The following DPYD variants were observed in gnomAD, a reference collection of about 807,000 sequenced individuals.
DPYD encodes the protein dihydropyrimidine dehydrogenase [NADP(+)].
Under a neutral mutation model 116.2 loss-of-function variants are expected in DPYD, and 109 were observed. The ratio of observed to expected loss-of-function variants is 0.94; its 90% CI spans 0.80 to 1.10. DPYD has a LOEUF of 1.10. Ranked by LOEUF, DPYD falls within the 50% of genes least tolerant of loss-of-function variation. The pLI is 0.00. For missense variants in DPYD, 1,302 were observed against 1,254.5 expected (o/e 1.04, Z -0.57); for synonymous variants, 440 against 432.0 (o/e 1.02, Z -0.23).
At chr1:97,599,755 G>A (rs1419746594) in intron 8 of DPYD, among the ~76,000 whole-genome samples, 1 of 149,832 alleles carries the variant, frequency 6.7e-6, no homozygotes, top group Non-Finnish European at 1.5e-5. Context: ...CAGTCACGGT[G>A]GCTCCTGCCT....
intron 8 of DPYD, among the ~76,000 whole-genome samples, chr1:97,665,437 G>T (rs1659505444): frequency 6.6e-6 from 1 of 151,432 alleles, no homozygotes; most frequent in Admixed American, 6.6e-5. Flanking sequence ...TTCTTTTTGT[G>T]TTTTTCTAAG....
chr1:97,737,581 CA>C (rs1664030583), intron 4 of DPYD, among the ~76,000 whole-genome samples: 1 of 152,022 alleles, frequency 6.6e-6, no homozygotes, highest in Non-Finnish European at 1.5e-5. Context: ...TGGAAATGAT[CA>C]ATATTTTGTT....
At chr1:97,560,715 G>A (rs1213061125) in intron 11 of DPYD, among the ~76,000 whole-genome samples, 1 of 152,142 alleles carries the variant, frequency 6.6e-6, no homozygotes, top group East Asian at 1.9e-4. Context: ...TGAACTATAT[G>A]ATAGTGAAAA....
chr1:97,103,097 A>G (rs1185892417), intron 20 of DPYD, among the ~76,000 whole-genome samples: 1 of 152,006 alleles, frequency 6.6e-6, no homozygotes, highest in Admixed American at 6.6e-5. Context: ...GGTTTAAATA[A>G]AGTAATCCAG....
chr1:97,488,195 A>T (rs1678758283), intron 13 of DPYD, among the ~76,000 whole-genome samples: 1 of 152,186 alleles, frequency 6.6e-6, no homozygotes, highest in Admixed American at 6.5e-5. Context: ...TTACACTTGT[A>T]TAAATCTATT....
chr1:97,339,602 G>A (rs188062721), intron 16 of DPYD, among the ~76,000 whole-genome samples: 3 of 152,206 alleles, frequency 2.0e-5, no homozygotes, highest in Non-Finnish European at 2.9e-5. Flanking sequence ...CCCATGTACT[G>A]ATATCTTATC....
At chr1:97,713,765 G>T (rs544125230) in intron 5 of DPYD, among the ~76,000 whole-genome samples, 261 of 152,072 alleles carry the variant, frequency 1.7e-3, no homozygotes, top group Non-Finnish European at 2.8e-3. Flanking sequence ...ACTTCTCTCA[G>T]AAATAATTCA....
At chr1:97,640,314 T>C (rs752679869) in intron 8 of DPYD, among the ~76,000 whole-genome samples, 1 of 152,024 alleles carries the variant, frequency 6.6e-6, no homozygotes, top group African/African-American at 2.4e-5. Context: ...TTTCTTTTAT[T>C]TTTATTTATT....
In DPYD at chr1:97,465,799, T is replaced by C. The variant is rs1412065267; in HGVS notation, c.1741-15576A>G. ...CTAATACATGTGTAAAACCAAGCTGTAGCTCGATTATCTTGGGCACAAGTC... is the reference window on the plus strand; with the variant it reads ...CTAATACATGTGTAAAACCAAGCTGCAGCTCGATTATCTTGGGCACAAGTC... On this transcript the variant is annotated intron_variant, in intron 13 of 22. Coordinates refer to ENST00000370192, the MANE Select transcript of DPYD (RefSeq NM_000110.4). Among the ~76,000 whole-genome samples, 5 of 152,200 alleles carry C rather than the reference T, an allele frequency of 3.3e-5. No individual in the cohort carries two copies. The South Asian group carries it at 8.3e-4, about 25-fold the overall frequency.
chr1:97,785,475 A>G (rs1174733416), intron 3 of DPYD, among the ~76,000 whole-genome samples: 1 of 152,112 alleles, frequency 6.6e-6, no homozygotes, highest in African/African-American at 2.4e-5. Context: ...ACTTACACAC[A>G]TATTTGTGAT....
At chr1:97,626,558 T>C (rs1656942576) in intron 8 of DPYD, among the ~76,000 whole-genome samples, 1 of 152,084 alleles carries the variant, frequency 6.6e-6, no homozygotes, top group Non-Finnish European at 1.5e-5. Context: ...GCCTCAAGTT[T>C]CTACTCCCAT....
At chr1:97,291,998 A>C (rs1666214086) in intron 18 of DPYD, among the ~76,000 whole-genome samples, 1 of 152,160 alleles carries the variant, frequency 6.6e-6, no homozygotes, top group Non-Finnish European at 1.5e-5. Flanking sequence ...ACAAAATTAT[A>C]ATGCGTTATA....
chr1:97,480,236 C>A (rs776129241), intron 13 of DPYD, among the ~76,000 whole-genome samples: 1 of 151,706 alleles, frequency 6.6e-6, no homozygotes, highest in Non-Finnish European at 1.5e-5. Flanking sequence ...AATAAAATAT[C>A]AAACTGAGAA....
rs1054367744 is a variant in DPYD at position 97,621,773 on chromosome 1, T to G, written c.851-26607A>C. Among the ~76,000 whole-genome samples the G allele has an allele frequency of 2.0e-5, 3 of 151,892 alleles. No homozygotes were observed. The East Asian group carries it at 5.8e-4, about 29-fold the overall frequency. ...AGGAAGGAAATATACAAGATAAGCC[T>G]AGATCATCTTGTAGGGCCAGAAATT... On this transcript the variant is annotated intron_variant, in intron 8 of 22. Transcript: ENST00000370192.
At chr1:97,767,273 T>C (rs541031475) in intron 3 of DPYD, among the ~76,000 whole-genome samples, 6 of 152,314 alleles carry the variant, frequency 3.9e-5, no homozygotes, top group Admixed American at 2.6e-4. Context: ...AGACCAGGGA[T>C]GGTAGTCTTT....
chr1:97,574,232 C>T (rs1300030532), intron 10 of DPYD, among the ~76,000 whole-genome samples: 6 of 152,124 alleles, frequency 3.9e-5, no homozygotes, highest in Non-Finnish European at 8.8e-5. Flanking sequence ...GTACTGCATG[C>T]TCTACATTTG....
intron 3 of DPYD, among the ~76,000 whole-genome samples, chr1:97,802,227 G>C (rs1401188120): frequency 1.3e-5 from 2 of 151,858 alleles, no homozygotes; most frequent in Non-Finnish European, 2.9e-5. Context: ...GTTGGCTCTA[G>C]CAAATTCTTT....
At chr1:97,524,897 A>T (rs756474312) in intron 12 of DPYD, among the ~76,000 whole-genome samples, 18 of 152,126 alleles carry the variant, frequency 1.2e-4, no homozygotes, top group Non-Finnish European at 2.4e-4. Context: ...GGCATTTTAA[A>T]CTGAAAACCC....
intron 16 of DPYD, among the ~76,000 whole-genome samples, chr1:97,360,312 C>G (rs1670651812): frequency 1.3e-5 from 2 of 152,064 alleles, no homozygotes; most frequent in Admixed American, 1.3e-4. Context: ...CCTTAGAGAC[C>G]TACAAAGAAA....
Sources: gnomAD v4.1 joint callset for allele counts (sites outside exome capture counted in the v4.1 genomes callset) on GRCh38, gnomAD v4.1.1 for gene constraint, MANE v1.5 for transcripts, NCBI Gene and HGNC (gene_info 2026-07-23, HGNC 2026-07-21) for gene names.